EVPL: variants seen among roughly 807,000 people sequenced by gnomAD.
EVPL encodes 210 kDa cornified envelope precursor protein.
Under a neutral mutation model 129.7 loss-of-function variants are expected in EVPL, and 94 were observed. That is an observed-to-expected ratio of 0.72 (90% CI 0.61 to 0.86). EVPL has a LOEUF of 0.86. EVPL is among the 40% of genes least tolerant of loss of function. The pLI, the probability that EVPL is intolerant of heterozygous loss-of-function variation, is 0.00. For missense variants in EVPL, 2,625 were observed against 2,721.1 expected (o/e 0.96, Z 0.79); for synonymous variants, 1,172 against 1,191.1 (o/e 0.98, Z 0.33).
chr17:76,018,161 C>G lies in EVPL; in HGVS notation c.1537G>C (p.Ala513Pro), dbSNP rs956589414. Reference protein sequence around the residue: ...AVESLRPSQQAPSGSDLANPQ... With the variant: ...AVESLRPSQQPPSGSDLANPQ... Reference sequence around the variant, plus strand: ...CCTCTCCCCGGGCCACCCTGGGTACCCTGCTGGCTGGGCCGAAGAGACTCC... The same window carrying G: ...CCTCTCCCCGGGCCACCCTGGGTACGCTGCTGGCTGGGCCGAAGAGACTCC... The change falls in exon 13 of 22, where the codon GCT becomes CCT. Residue 513 changes from alanine (A) to proline (P), a missense_variant and splice_region_variant. Ala to Pro is a conservative substitution (Grantham distance 27). Around this residue, in one of 4 missense-constraint regions of EVPL, gnomAD observed 1,024 missense variants for 997.5 expected, o/e 1.03. Transcript: ENST00000301607. 1.3e-6 allele frequency: 2 copies of G among 1,550,982 alleles called. No individual in the cohort carries two copies.
At position 76,022,987 on chromosome 17, in the gene EVPL, C is replaced by A. The variant is rs2066473226; in HGVS notation, c.480+305G>T. Among the ~76,000 whole-genome samples the A allele has an allele frequency of 6.6e-6, 1 of 152,180 alleles. No individual in the cohort carries two copies. The highest frequency in any genetic ancestry group is 2.1e-4 in the South Asian group (1 of 4,834). ...TGGCTCTGCCCACCTGCCCAGAAATCCCCACTTCCCGTCGAAGCCCAGGCT... is the reference window on the plus strand; with the variant it reads ...TGGCTCTGCCCACCTGCCCAGAAATACCCACTTCCCGTCGAAGCCCAGGCT... On this transcript the variant is annotated intron_variant, in intron 4 of 21. Transcript: ENST00000301607. The surrounding 1 kb of genome is among the most constrained non-coding windows in gnomAD (Gnocchi z 5.6).
rs767904655 is a variant in EVPL at position 76,010,439 on chromosome 17, T to C, written c.2766A>G (p.Glu922=). The C allele has an allele frequency of 1.9e-6, 3 of 1,613,848 alleles. No homozygotes were observed. The highest frequency in any genetic ancestry group is 2.5e-6 in the Non-Finnish European group (3 of 1,179,930). ...RESEALKAQL[E]EERKRVARVQ... ...CCCGGGCCACCCGCTTCCTCTCCTC[T>C]TCCAGCTGGGCCTTCAGGGCCTCTG... The change falls in exon 22 of 22, where the codon GAA becomes GAG. Residue 922 remains glutamate (E), a synonymous_variant. Coordinates refer to ENST00000301607, the MANE Select transcript of EVPL (RefSeq NM_001988.4).
At chr17:76,023,271 G>A in intron 4 of EVPL, 21 bp downstream of exon 4, 1 of 1,613,486 alleles carries the variant, frequency 6.2e-7, no homozygotes, top group Non-Finnish European at 8.5e-7. Context: ...TCACACTGGG[G>A]TGTGACTTTG....
intron 21 of EVPL, 87 bp downstream of exon 21, chr17:76,011,489 G>A (rs1456714888): frequency 1.0e-5 from 12 of 1,175,980 alleles, no homozygotes; most frequent in Admixed American, 1.0e-4. Context: ...AGACTACCAG[G>A]GTGACAGCCT....
chr17:76,017,591 A>G, intron 14 of EVPL, 148 bp downstream of exon 14: 1 of 1,126,266 alleles, frequency 8.9e-7, no homozygotes, highest in South Asian at 1.6e-5. Flanking sequence ...CCAGGAGGGG[A>G]ACCAGCTTGT....
chr17:76,011,445 C>T, intron 21 of EVPL, 131 bp downstream of exon 21: 1 of 834,224 alleles, frequency 1.2e-6, no homozygotes, highest in Non-Finnish European at 2.0e-6. Flanking sequence ...CAGAGCTGCC[C>T]AGGGGCTGCA....
Position 76,015,081 on chromosome 17 carries a change from T to G in EVPL, c.2057A>C (p.Gln686Pro), listed in dbSNP as rs2066408135. ...QRQRRELLEQ[Q>P]TCVLRLHRAL... The stretch of plus-strand genomic sequence containing the variant: ...GCGGTGTAGCCGCAGCACGCAGGTC[T>G]GCTGTTCCAGCAGCTCCCTCCGCTG... The change falls in exon 17 of 22, where the codon CAG becomes CCG. Residue 686 changes from glutamine (Q) to proline (P), a missense_variant. Gln to Pro is a moderately conservative substitution (Grantham distance 76, BLOSUM62 -1). Coordinates refer to ENST00000301607, the MANE Select transcript of EVPL (RefSeq NM_001988.4). 2 of 1,578,008 alleles carry G rather than the reference T, an allele frequency of 1.3e-6. No individual in the cohort carries two copies. The highest frequency in any genetic ancestry group is 1.7e-6 in the Non-Finnish European group (2 of 1,163,222).
At chr17:76,012,742 CTTTTTTTTTT>C (rs56349197) in intron 18 of EVPL, among the ~76,000 whole-genome samples, 1 of 117,536 alleles carries the variant, frequency 8.5e-6, no homozygotes, top group Non-Finnish European at 1.7e-5. Context: ...TCTTTCTTTT[CTTTTTTTTTT>C]TTTTTTTTTT....
At chr17:76,018,023 C>T (rs2066430083) in intron 13 of EVPL, 112 bp from the exon 14 acceptor site, 4 of 1,543,370 alleles carry the variant, frequency 2.6e-6, no homozygotes, top group South Asian at 1.2e-5. Flanking sequence ...AGGGGATGGG[C>T]AGGGCCACCC....
chr17:76,027,150 C>G lies in EVPL; in HGVS notation c.49G>C (p.Gly17Arg), dbSNP rs1396865644. 4 of 1,573,840 alleles carry G rather than the reference C, an allele frequency of 2.5e-6. No homozygotes were observed. The highest frequency in any genetic ancestry group is 3.4e-6 in the Non-Finnish European group (4 of 1,164,812). ...KGSQGKGSPKGSPAKGSPKGS... is the reference protein window; with the variant it reads ...KGSQGKGSPKRSPAKGSPKGS... ...TTGGGGGACCCCTTGGCGGGGGAGC[C>G]CTTGGGGGACCCCTTCCCCTGGGAG... The change falls in exon 1 of 22, where the codon GGC becomes CGC. Residue 17 changes from glycine (G) to arginine (R), a missense_variant. Physicochemically the swap from Gly to Arg is moderately radical, Grantham distance 125. This residue lies in a region of EVPL where 139 missense variants were observed against 186.8 expected (regional missense o/e 0.74). Transcript: ENST00000301607.
At position 76,022,011 on chromosome 17, in the gene EVPL, G is replaced by A. The variant is rs763191500; in HGVS notation, c.663C>T (p.Arg221=). Residue 221 remains arginine (R), a synonymous_variant, in exon 7 of 22, where the codon CGC becomes CGT. Transcript: ENST00000301607. The surrounding 1 kb of genome is among the most constrained non-coding windows in gnomAD (Gnocchi z 5.6). The part of the protein sequence containing the change: ...YRDLLKAASW[R]GQSLGSLYTH... Reference sequence around the variant, plus strand: ...TGTACAGGCTGCCCAGGCTCTGCCCGCGCCACGACGCCGCCTTCTGTGCTC... The same window carrying A: ...TGTACAGGCTGCCCAGGCTCTGCCCACGCCACGACGCCGCCTTCTGTGCTC... The A allele has an allele frequency of 1.6e-5, 25 of 1,556,026 alleles. No individual in the cohort carries two copies. The Admixed American group carries it at 3.7e-4, about 23-fold the overall frequency.
rs978621190 is a variant in EVPL, at chr17:76,014,950, G to C, written c.2188C>G (p.Arg730Gly). The change falls in exon 17 of 22, where the codon CGC (arginine) becomes GGC (glycine). Residue 730 changes from arginine to glycine, a missense_variant. Physicochemically the swap from Arg to Gly is moderately radical, Grantham distance 125. Coordinates refer to ENST00000301607, the MANE Select transcript of EVPL (RefSeq NM_001988.4). ...AGCTGGTCCCCTACGGCGTGGTAGCGGTCGGTGAGGGCTCGCACCTGGCGC... is the reference window on the plus strand; with the variant it reads ...AGCTGGTCCCCTACGGCGTGGTAGCCGTCGGTGAGGGCTCGCACCTGGCGC... The part of the protein sequence containing the change: ...QQRQVRALTD[R>G]YHAVGDQLDL... 5.6e-6 allele frequency: 9 copies of C among 1,593,016 alleles called. No individual in the cohort carries two copies. The highest frequency in any genetic ancestry group is 2.2e-5 in the East Asian group (1 of 44,494).
At chr17:76,025,372 A>G (rs939410703) in intron 1 of EVPL, among the ~76,000 whole-genome samples, 33 of 152,192 alleles carry the variant, frequency 2.2e-4, no homozygotes. Flanking sequence ...CCTGGCATAC[A>G]GTAAGTGCTC....
rs753022497 is a variant in EVPL at position 76,014,964 on chromosome 17, C to A, written c.2174G>T (p.Arg725Leu). The change falls in exon 17 of 22, where the codon CGA (arginine) becomes CTA (leucine). Residue 725 changes from arginine (R) to leucine (L), a missense_variant. Physicochemically the swap from Arg to Leu is moderately radical, Grantham distance 102 (BLOSUM62 -2). Around this residue, in one of 4 missense-constraint regions of EVPL, gnomAD observed 1,024 missense variants for 997.5 expected, o/e 1.03. Coordinates refer to ENST00000301607, the MANE Select transcript of EVPL (RefSeq NM_001988.4). ...QDLPRQQRQV[R>L]ALTDRYHAVG... ...GGCGTGGTAGCGGTCGGTGAGGGCT[C>A]GCACCTGGCGCTGCTGGCGAGGCAG... 6.3e-7 allele frequency: 1 copy of A among 1,596,202 alleles called. No homozygotes were observed. The highest frequency in any genetic ancestry group is 1.7e-5 in the Admixed American group (1 of 59,868).
Position 76,011,585 on chromosome 17 carries a change from C to T in EVPL, c.2652G>A (p.Met884Ile). The T allele has an allele frequency of 6.2e-7, 1 of 1,614,080 alleles. No homozygotes were observed. The highest frequency in any genetic ancestry group is 1.1e-5 in the South Asian group (1 of 91,084). Reference sequence around the variant, plus strand: ...GGTGTTGTCTGTGTACCTTCTCCAGCATTTTTCTAGCAAACTCCAGCTGCT... The same window carrying T: ...GGTGTTGTCTGTGTACCTTCTCCAGTATTTTTCTAGCAAACTCCAGCTGCT... ...LLQQLEFARK[M>I]LEKKELSEDI... The change falls in exon 21 of 22, where the codon ATG becomes ATA. Residue 884 changes from methionine (M) to isoleucine (I), a missense_variant. Coordinates refer to ENST00000301607, the MANE Select transcript of EVPL (RefSeq NM_001988.4).
chr17:76,014,292 G>T, intron 18 of EVPL, 134 bp downstream of exon 18: 1 of 1,248,266 alleles, frequency 8.0e-7, no homozygotes, highest in Non-Finnish European at 1.1e-6. Flanking sequence ...GCAAAGAGGA[G>T]CATTTCAGCT....
In EVPL at chr17:76,007,511, G is replaced by A. The variant is rs765848119; in HGVS notation, c.5694C>T (p.Asn1898=). 4.5e-5 allele frequency: 72 copies of A among 1,613,672 alleles called. No individual in the cohort carries two copies. The highest frequency in any genetic ancestry group is 8.3e-5 in the Admixed American group (5 of 60,004). The change falls in exon 22 of 22, where the codon AAC becomes AAT. Residue 1898 remains asparagine (N), a synonymous_variant. Transcript: ENST00000301607. This position sits in a 1 kb window ranked among gnomAD's most constrained non-coding sequence, Gnocchi z 8.8. ...IENTSTQRLL[N]AQKAFTGIED... is the part of the protein sequence containing the mutation. ...CGATGCCGGTGAAGGCCTTCTGGGC[G>A]TTAAGCAGCCTCTGTGTGGAGGTGT...
chr17:76,011,145 C>T (rs1271285862), intron 21 of EVPL, among the ~76,000 whole-genome samples: 2 of 152,264 alleles, frequency 1.3e-5, no homozygotes, highest in Admixed American at 6.5e-5. Flanking sequence ...CCCCTTCCAT[C>T]CAGGGACCCT....
chr17:76,026,796 A>C (rs2066501005), intron 1 of EVPL, among the ~76,000 whole-genome samples: 2 of 152,202 alleles, frequency 1.3e-5, no homozygotes, highest in Admixed American at 1.3e-4. Flanking sequence ...GCCTCCGTGC[A>C]GGCTCCTGTC....
Sources: allele counts gnomAD v4.1 joint callset (sites outside exome capture counted in the v4.1 genomes callset), GRCh38; gene constraint gnomAD v4.1.1; regional missense constraint gnomAD v4.1.1; non-coding constraint Gnocchi (gnomAD v3.1); transcripts MANE v1.5; gene names NCBI Gene and HGNC (gene_info 2026-07-23, HGNC 2026-07-21).